NEURL1: variants seen among roughly 807,000 people sequenced by gnomAD.
The protein encoded by NEURL1 is neuralized E3 ubiquitin protein ligase 1, also known as E3 ubiquitin-protein ligase NEURL1.
NEURL1 carries 26 observed loss-of-function variants against 41.2 expected under a neutral mutation model. The ratio of observed to expected loss-of-function variants is 0.63; its 90% CI spans 0.46 to 0.87. The LOEUF (loss-of-function observed/expected upper bound fraction) is 0.87. Among genes scored for constraint, NEURL1 ranks in the 40% least tolerant of loss-of-function variants. The pLI, the probability that NEURL1 is intolerant of heterozygous loss-of-function variation, is 0.00. For synonymous variants in NEURL1, 400 were observed against 402.3 expected, an observed-to-expected ratio of 0.99 and a Z score of 0.07; for missense variants, 761 against 871.1, an observed-to-expected ratio of 0.87 and a Z score of 1.59.
intron 1 of NEURL1, among the ~76,000 whole-genome samples, chr10:103,561,747 A>G (rs2035297686): frequency 6.6e-6 from 1 of 152,178 alleles, no homozygotes; most frequent in Non-Finnish European, 1.5e-5. Context: ...TTGTGTATGA[A>G]GGGCAAATGC....
chr10:103,550,422 C>T (rs1169829399), intron 1 of NEURL1: 1 of 152,378 alleles, frequency 6.6e-6, no homozygotes, highest in Non-Finnish European at 1.5e-5. Flanking sequence ...GACCAGGCCC[C>T]CAGGGGCACT....
chr10:103,569,088 T>G (rs2035484994), intron 1 of NEURL1, among the ~76,000 whole-genome samples: 1 of 152,240 alleles, frequency 6.6e-6, no homozygotes, highest in Non-Finnish European at 1.5e-5. Context: ...GTGCTGAGAT[T>G]ACAGGCGTGA....
In NEURL1 at chr10:103,590,221, A is replaced by G. The variant is rs774040106; in HGVS notation, c.1574A>G (p.Tyr525Cys). The part of the protein sequence containing the change: ...GQWSDECTIC[Y>C]EHAVDTVIYT... The stretch of plus-strand genomic sequence containing the variant: ...TGGAGCGATGAGTGCACCATTTGCT[A>G]TGAACACGCGGTGGACACGGTCATC... The change falls in exon 6 of 6, where the codon TAT (tyrosine) becomes TGT (cysteine). Residue 525 changes from tyrosine to cysteine, a missense_variant. Physicochemically the swap from Tyr to Cys is radical, Grantham distance 194. Around this residue, in one of 5 missense-constraint regions of NEURL1, gnomAD observed 45 missense variants for 89.9 expected, o/e 0.50. Transcript: ENST00000369780. 8.7e-6 allele frequency: 14 copies of G among 1,613,576 alleles called. No individual in the cohort carries two copies. The South Asian group carries it at 1.4e-4, about 16-fold the overall frequency.
At chr10:103,567,021 T>G (rs967860102) in intron 1 of NEURL1, among the ~76,000 whole-genome samples, 1 of 151,692 alleles carries the variant, frequency 6.6e-6, no homozygotes, top group Admixed American at 6.6e-5. Flanking sequence ...CTTGCTCTGT[T>G]GCCCAGGCTG....
intron 4 of NEURL1, among the ~76,000 whole-genome samples, 199 bp from the exon 5 acceptor site, chr10:103,589,315 G>A (rs1038754064): frequency 2.6e-5 from 4 of 152,196 alleles, no homozygotes; most frequent in Non-Finnish European, 5.9e-5. Flanking sequence ...TGCTGTCTGG[G>A]GTCAAAGTCT....
chr10:103,552,364 A>C (rs1351262381), intron 1 of NEURL1, among the ~76,000 whole-genome samples: 1 of 152,080 alleles, frequency 6.6e-6, no homozygotes, highest in Non-Finnish European at 1.5e-5. Flanking sequence ...GCGTTTCCTG[A>C]GGCTCCTCCT....
At chr10:103,520,534 G>T (rs772300708) in intron 1 of NEURL1, among the ~76,000 whole-genome samples, 1 of 152,170 alleles carries the variant, frequency 6.6e-6, no homozygotes, top group African/African-American at 2.4e-5. Context: ...GGCAGGAACC[G>T]ACCATTTTGA....
In NEURL1 at chr10:103,558,503, C is replaced by CTGTGTGTGTGTG. The variant is rs3068767; in HGVS notation, c.86-12335_86-12324dup. On this transcript the variant is annotated intron_variant, in intron 1 of 5. Coordinates refer to ENST00000369780, the MANE Select transcript of NEURL1 (RefSeq NM_004210.5). The surrounding 1 kb of genome is among the most constrained non-coding windows in gnomAD (Gnocchi z 4.2). ...GTGGTACTCTGTGCCTGTGCCATGCCTGTGTGTGTGTGTGTGTGTGTGTGT... is the reference window on the plus strand; with the variant it reads ...GTGGTACTCTGTGCCTGTGCCATGCCTGTGTGTGTGTGTGTGTGTGTGTGTGTGTGTGTGTGT... 5.3e-5 allele frequency among the ~76,000 whole-genome samples: 7 copies of CTGTGTGTGTGTG among 131,922 alleles called. No homozygotes were observed. The highest frequency in any genetic ancestry group is 1.8e-4 in the African/African-American group (6 of 34,122). 86.5% of individuals were successfully genotyped at this position (131,922 alleles called of 152,430 possible).
chr10:103,504,243 G>A (rs891386205), intron 1 of NEURL1, among the ~76,000 whole-genome samples: 2 of 151,928 alleles, frequency 1.3e-5, no homozygotes, highest in Admixed American at 6.6e-5. Flanking sequence ...TGCCCTCCTC[G>A]GCCTCCCAGA....
Position 103,501,380 on chromosome 10 carries a change from G to A in NEURL1, c.85+6908G>A, listed in dbSNP as rs370109497. On this transcript the variant is annotated intron_variant, in intron 1 of 5. Coordinates refer to ENST00000369780, the MANE Select transcript of NEURL1 (RefSeq NM_004210.5). ...TTCTGTCCTAGGCCACGCTGAAAGGGCTGGGCGTGACAGCCAAGCTGACCT... is the reference window on the plus strand; with the variant it reads ...TTCTGTCCTAGGCCACGCTGAAAGGACTGGGCGTGACAGCCAAGCTGACCT... Among the ~76,000 whole-genome samples the A allele has an allele frequency of 7.3e-4, 111 of 152,164 alleles. 1 individual carries two copies. The highest frequency in any genetic ancestry group is 6.8e-3 in the Middle Eastern group (2 of 294).
At chr10:103,573,267 C>A (rs2035587366) in intron 3 of NEURL1, among the ~76,000 whole-genome samples, 1 of 152,146 alleles carries the variant, frequency 6.6e-6, no homozygotes, top group Non-Finnish European at 1.5e-5. Flanking sequence ...GAAGGGAGCC[C>A]AGGTGCTTTG....
intron 1 of NEURL1, among the ~76,000 whole-genome samples, chr10:103,533,936 G>T (rs2034637455): frequency 6.6e-6 from 1 of 152,086 alleles, no homozygotes; most frequent in Non-Finnish European, 1.5e-5. Context: ...CTCCCTAAGT[G>T]CTGGGATTAC....
chr10:103,580,000 A>G (rs924219112), intron 3 of NEURL1, among the ~76,000 whole-genome samples: 2 of 152,046 alleles, frequency 1.3e-5, no homozygotes, highest in African/African-American at 4.8e-5. Context: ...TGCCCCTTCC[A>G]CTGACTCTTG....
At chr10:103,510,492 G>A (rs2034044319) in intron 1 of NEURL1, among the ~76,000 whole-genome samples, 1 of 152,194 alleles carries the variant, frequency 6.6e-6, no homozygotes, top group Admixed American at 6.5e-5. Context: ...CTGGGGCTTG[G>A]CATGTGGCTC....
chr10:103,542,624 G>A (rs2034843977), intron 1 of NEURL1, among the ~76,000 whole-genome samples: 1 of 152,140 alleles, frequency 6.6e-6, no homozygotes, highest in Non-Finnish European at 1.5e-5. Context: ...GAGAACTGCT[G>A]TTGTCTTGGG....
intron 1 of NEURL1, among the ~76,000 whole-genome samples, chr10:103,513,032 C>G (rs577052033): frequency 6.6e-6 from 1 of 152,110 alleles, no homozygotes; most frequent in South Asian, 2.1e-4. Context: ...CCCACCTCTA[C>G]GACATAAAGG....
intron 1 of NEURL1, among the ~76,000 whole-genome samples, chr10:103,521,324 C>G (rs1215088065): frequency 6.6e-6 from 1 of 152,136 alleles, no homozygotes; most frequent in Non-Finnish European, 1.5e-5. Context: ...ACCGCAGTGG[C>G]CTTCTCAGAC....
In NEURL1 at chr10:103,571,606, G is replaced by A. The variant is rs372226141; in HGVS notation, c.433G>A (p.Asp145Asn). ...PDSLPKYACP[D>N]LVSQSGFWAK... is the part of the protein sequence containing the mutation. The stretch of plus-strand genomic sequence containing the variant: ...CTCGCTGCCCAAGTACGCCTGCCCC[G>A]ACCTGGTGTCCCAGAGTGGCTTCTG... The change falls in exon 3 of 6, where the codon GAC becomes AAC. Residue 145 changes from aspartate to asparagine, a missense_variant. By Grantham distance (23) the Asp-to-Asn change is conservative. Coordinates refer to ENST00000369780, the MANE Select transcript of NEURL1 (RefSeq NM_004210.5). The A allele has an allele frequency of 6.2e-6, 10 of 1,614,100 alleles. No individual in the cohort carries two copies. In the East Asian group the frequency reaches 8.9e-5, roughly 14 times the overall value.
rs868268974 is a variant in NEURL1, at chr10:103,590,572, C to G, written c.*200C>G. ...GAGGGGGCAGAGGCAAATCACCGGG[C>G]AGAGGGAGGGGAGGAGAGGAGGCCG... is the stretch of plus-strand genomic sequence containing the variant. On this transcript the variant is annotated 3_prime_UTR_variant, in exon 6 of 6. Coordinates refer to ENST00000369780, the MANE Select transcript of NEURL1 (RefSeq NM_004210.5). 2.9e-5 allele frequency: 17 copies of G among 592,120 alleles called. No homozygotes were observed. The African/African-American group carries it at 3.2e-4, about 11-fold the overall frequency. The allele number at this position is 592,120 out of a possible 1,614,324, so 36.7% of individuals were successfully genotyped here. A position where few individuals can be genotyped will look rare whatever the true frequency, so the allele number is the denominator to read the frequency against.
Sources: gnomAD v4.1 joint callset for allele counts (sites outside exome capture counted in the v4.1 genomes callset) on GRCh38, gnomAD v4.1.1 for gene constraint, gnomAD v4.1.1 regional missense constraint, Gnocchi (gnomAD v3.1) non-coding constraint, MANE v1.5 for transcripts, NCBI Gene and HGNC (gene_info 2026-07-23, HGNC 2026-07-21) for gene names.